FGF14: variants seen among roughly 807,000 people sequenced by gnomAD.
FGF14 encodes the protein fibroblast growth factor homologous factor 4.
FGF14 carries 5 observed loss-of-function variants against 25.5 expected under a neutral mutation model. That is an observed-to-expected ratio of 0.20 (90% CI 0.10 to 0.41). The LOEUF (loss-of-function observed/expected upper bound fraction) is 0.41, where lower values mean the gene tolerates loss of function less well. FGF14 is among the 10% of genes least tolerant of loss of function. FGF14 has a pLI of 1.00. For missense variants in FGF14, 222 were observed against 320.1 expected, an observed-to-expected ratio of 0.69 and a Z score of 2.34; for synonymous variants, 138 against 118.3, an observed-to-expected ratio of 1.17 and a Z score of -1.08.
intron 1 of FGF14, among the ~76,000 whole-genome samples, chr13:102,064,260 A>C (rs2042808618): frequency 6.6e-6 from 1 of 152,006 alleles, no homozygotes; most frequent in African/African-American, 2.4e-5. Flanking sequence ...TTCACAGAAA[A>C]AATTACTGCC....
chr13:102,039,278 A>C, intron 1 of FGF14, among the ~76,000 whole-genome samples: 1 of 152,150 alleles, frequency 6.6e-6, no homozygotes, highest in East Asian at 1.9e-4. Flanking sequence ...CTTTCACCAG[A>C]TGGAAAATAA....
chr13:102,348,961 T>C (rs556916114), intron 1 of FGF14, among the ~76,000 whole-genome samples: 1 of 152,328 alleles, frequency 6.6e-6, no homozygotes, highest in Non-Finnish European at 1.5e-5. Flanking sequence ...TGCTGCCCTC[T>C]GGTTTTATCT....
At chr13:102,106,917 T>G (rs2140306454) in intron 1 of FGF14, among the ~76,000 whole-genome samples, 1 of 152,262 alleles carries the variant, frequency 6.6e-6, no homozygotes, top group South Asian at 2.1e-4. Flanking sequence ...GGTTTGTGAG[T>G]GAGGAAAATT....
chr13:101,967,286 T>G (rs1282805591), intron 1 of FGF14, among the ~76,000 whole-genome samples: 1 of 152,216 alleles, frequency 6.6e-6, no homozygotes, highest in African/African-American at 2.4e-5. Context: ...CTAAAGTCAT[T>G]TGTAAACTAA....
chr13:102,342,712 C>A (rs901870488), intron 1 of FGF14, among the ~76,000 whole-genome samples: 2 of 152,056 alleles, frequency 1.3e-5, no homozygotes, highest in African/African-American at 4.8e-5. Flanking sequence ...AGGAGTCTAG[C>A]TAAAAAATGT....
At chr13:101,809,725 G>A (rs918720043) in intron 3 of FGF14, among the ~76,000 whole-genome samples, 2 of 152,264 alleles carry the variant, frequency 1.3e-5, no homozygotes, top group South Asian at 2.1e-4. Flanking sequence ...AAATTTTGCA[G>A]TTTCTGAATG....
chr13:101,866,003 C>T (rs753962667), intron 3 of FGF14, among the ~76,000 whole-genome samples: 2 of 151,872 alleles, frequency 1.3e-5, no homozygotes, highest in Non-Finnish European at 2.9e-5. Flanking sequence ...CATCTTAGTT[C>T]AAAACTTCTT....
intron 1 of FGF14, among the ~76,000 whole-genome samples, chr13:102,316,421 C>T (rs892704404): frequency 6.6e-6 from 1 of 152,134 alleles, no homozygotes; most frequent in Non-Finnish European, 1.5e-5. Context: ...ACCAAAATAT[C>T]ACACTGTACC....
chr13:102,342,723 T>C (rs1183069488), intron 1 of FGF14, among the ~76,000 whole-genome samples: 1 of 152,120 alleles, frequency 6.6e-6, no homozygotes. Flanking sequence ...TAAAAAATGT[T>C]GATGTCATTT....
intron 3 of FGF14, among the ~76,000 whole-genome samples, chr13:101,787,957 C>T (rs760430716): frequency 3.3e-5 from 5 of 152,152 alleles, no homozygotes; most frequent in South Asian, 2.1e-4. Context: ...CTGCAACCTC[C>T]GCCTCCCAGG....
intron 1 of FGF14, among the ~76,000 whole-genome samples, chr13:102,149,537 G>A (rs529639): frequency 0.026 from 3,980 of 152,260 alleles, 173 homozygotes; most frequent in African/African-American, 0.091. Context: ...GTACACCTTG[G>A]AAAACATTAA....
chr13:101,837,760 G>A (rs936422981), intron 3 of FGF14, among the ~76,000 whole-genome samples: 5 of 151,964 alleles, frequency 3.3e-5, no homozygotes, highest in Non-Finnish European at 5.9e-5. Context: ...TTGTCCTTGC[G>A]ATGGTTAATA....
At chr13:101,784,974 G>A (rs1346070975) in intron 3 of FGF14, among the ~76,000 whole-genome samples, 1 of 152,114 alleles carries the variant, frequency 6.6e-6, no homozygotes, top group Non-Finnish European at 1.5e-5. Context: ...ATAGTTCTCA[G>A]GATCACTTCT....
At chr13:101,968,885 T>C (rs2139522484) in intron 1 of FGF14, among the ~76,000 whole-genome samples, 1 of 148,008 alleles carries the variant, frequency 6.8e-6, no homozygotes, top group South Asian at 2.2e-4. Context: ...ATCTGGGCAT[T>C]GTTTGAGTTG....
intron 3 of FGF14, among the ~76,000 whole-genome samples, chr13:101,745,788 G>A (rs1197726308): frequency 1.3e-5 from 2 of 152,050 alleles, no homozygotes; most frequent in Admixed American, 1.3e-4. Context: ...TATATGGAGA[G>A]AAGAGTGGAG....
intron 1 of FGF14, among the ~76,000 whole-genome samples, chr13:101,930,274 A>G (rs375196861): frequency 4.6e-5 from 7 of 152,356 alleles, no homozygotes; most frequent in African/African-American, 1.7e-4. Flanking sequence ...AGGCAACTTC[A>G]GTATAGCTTT....
chr13:101,969,434 G>C (rs2037458771), intron 1 of FGF14, among the ~76,000 whole-genome samples: 1 of 152,122 alleles, frequency 6.6e-6, no homozygotes, highest in Admixed American at 6.5e-5. Context: ...GTATAGTCTA[G>C]TGTTTCTGGC....
chr13:101,978,957 G>A (rs1022078487), intron 1 of FGF14, among the ~76,000 whole-genome samples: 7 of 152,202 alleles, frequency 4.6e-5, no homozygotes, highest in African/African-American at 1.7e-4. Flanking sequence ...CCAAAGCAGA[G>A]AGCCAAAGGA....
chr13:102,376,349 C>T (rs1413092231), intron 1 of FGF14, among the ~76,000 whole-genome samples: 1 of 152,206 alleles, frequency 6.6e-6, no homozygotes, highest in Non-Finnish European at 1.5e-5. Context: ...CCATGTGGAA[C>T]TGTGAGTCAA....
Sources: gnomAD v4.1 joint callset for allele counts (sites outside exome capture counted in the v4.1 genomes callset) on GRCh38, gnomAD v4.1.1 for gene constraint, MANE v1.5 for transcripts, NCBI Gene and HGNC (gene_info 2026-07-23, HGNC 2026-07-21) for gene names.